MYO1E: variants seen among roughly 807,000 people sequenced by gnomAD.
The protein encoded by MYO1E is unconventional myosin-Ie.
A neutral mutation model predicts 151.1 loss-of-function variants in MYO1E; 68 were observed. The ratio of observed to expected loss-of-function variants is 0.45; its 90% CI spans 0.37 to 0.55. The LOEUF is 0.55. Ranked by LOEUF, MYO1E falls within the 20% of genes least tolerant of loss-of-function variation. The pLI is 0.00. For missense variants in MYO1E, 1,363 were observed against 1,389.3 expected, an observed-to-expected ratio of 0.98 and a Z score of 0.30; for synonymous variants, 601 against 501.7, an observed-to-expected ratio of 1.20 and a Z score of -2.64.
chr15:59,199,309 C>T (rs532001602), intron 16 of MYO1E, among the ~76,000 whole-genome samples: 1 of 152,226 alleles, frequency 6.6e-6, no homozygotes, highest in African/African-American at 2.4e-5. Flanking sequence ...GTTGGCCAGA[C>T]TGACCTCAAA....
Position 59,356,127 on chromosome 15 carries a change from G to A in MYO1E, c.3+16371C>T, listed in dbSNP as rs551298968. Among the ~76,000 whole-genome samples, 64 of 152,310 alleles carry A rather than the reference G, an allele frequency of 4.2e-4. 2 individuals carry two copies. In the South Asian group the frequency reaches 0.013, roughly 31 times the overall value. On this transcript the variant is annotated intron_variant, in intron 1 of 27. Transcript: ENST00000288235. ...TTTTGTTAAACAGTTGCACGGGGAA[G>A]GCGTTTGCCCCATTTTCAACATTAT...
chr15:59,241,389 CAA>C (rs2080098903), intron 4 of MYO1E, among the ~76,000 whole-genome samples: 1 of 152,120 alleles, frequency 6.6e-6, no homozygotes, highest in African/African-American at 2.4e-5. Flanking sequence ...AATAATAAAA[CAA>C]ATAAAAATAA....
chr15:59,256,337 A>G lies in MYO1E; in HGVS notation c.279T>C (p.Asp93=), dbSNP rs759072698. The part of the protein sequence containing the change: ...ENPPHIYALA[D]NMYRNMIIDR... ...CAATGATCATGTTTCTGTACATATT[A>G]TCTGCAAGGGCATAGATATGTGGTG... The change falls in exon 4 of 28, where the codon GAT becomes GAC. Residue 93 remains aspartate (D), a synonymous_variant. Transcript: ENST00000288235. The G allele has an allele frequency of 2.5e-6, 4 of 1,613,002 alleles. No individual in the cohort carries two copies. The highest frequency in any genetic ancestry group is 4.5e-5 in the East Asian group (2 of 44,864).
chr15:59,230,795 T>G (rs8041229), intron 6 of MYO1E, among the ~76,000 whole-genome samples: 2,326 of 152,270 alleles, frequency 0.015, 52 homozygotes, highest in East Asian at 0.065. Context: ...GAAAAGAAAA[T>G]TGTTTTTCTC....
rs1462487382 is a variant in MYO1E at position 59,350,927 on chromosome 15, C to T, written c.3+21571G>A. Among the ~76,000 whole-genome samples the T allele has an allele frequency of 6.6e-6, 1 of 152,184 alleles. No homozygotes were observed. Among genetic ancestry groups the T allele is most frequent in the Non-Finnish European group, 1.5e-5 (1 of 68,030 alleles). ...TTTTGTCTTTTTTGAGACGGAGTCT[C>T]GCTCTGTCACCCAGGCTGGCGTGCA... On this transcript the variant is annotated intron_variant, in intron 1 of 27. Transcript: ENST00000288235. This position sits in a 1 kb window ranked among gnomAD's most constrained non-coding sequence, Gnocchi z 5.0.
Position 59,303,033 on chromosome 15 carries a change from A to G in MYO1E, c.4-30584T>C, listed in dbSNP as rs74971983. 2.5e-4 allele frequency among the ~76,000 whole-genome samples: 38 copies of G among 152,298 alleles called. 1 individual carries two copies. The East Asian group carries it at 3.9e-3, about 15-fold the overall frequency. On this transcript the variant is annotated intron_variant, in intron 1 of 27. Coordinates refer to ENST00000288235, the MANE Select transcript of MYO1E (RefSeq NM_004998.4). ...CTCAGAATCACTCCAAGCCACCTAC[A>G]TATTAACTGGTTCCCACACAGAAGA...
At chr15:59,346,028 A>G (rs2080792367) in intron 1 of MYO1E, among the ~76,000 whole-genome samples, 1 of 152,234 alleles carries the variant, frequency 6.6e-6, no homozygotes, top group East Asian at 1.9e-4. Flanking sequence ...TTTGCAAAAC[A>G]CTTTTTATAT....
At position 59,264,132 on chromosome 15, in the gene MYO1E, C is replaced by T. The variant is rs372505784; in HGVS notation, c.148-2623G>A. On this transcript the variant is annotated intron_variant, in intron 2 of 27. Coordinates refer to ENST00000288235, the MANE Select transcript of MYO1E (RefSeq NM_004998.4). ...TTACACTCACCACCAGTTCAGCATCCCTAACCCAAAAATCCAAAATCGAAA... is the reference window on the plus strand; with the variant it reads ...TTACACTCACCACCAGTTCAGCATCTCTAACCCAAAAATCCAAAATCGAAA... 9.1e-4 allele frequency among the ~76,000 whole-genome samples: 139 copies of T among 152,272 alleles called. 5 individuals are homozygous for T. Among genetic ancestry groups the T allele is most frequent in the African/African-American group, 3.1e-3 (128 of 41,562 alleles).
intron 4 of MYO1E, among the ~76,000 whole-genome samples, chr15:59,250,626 G>A (rs931976302): frequency 7.9e-5 from 12 of 152,118 alleles, no homozygotes; most frequent in Middle Eastern, 3.4e-3. Context: ...TGAACCTGGC[G>A]GGGGCGGGGG....
chr15:59,356,291 T>C (rs542034801), intron 1 of MYO1E, among the ~76,000 whole-genome samples: 3 of 150,280 alleles, frequency 2.0e-5, no homozygotes, highest in African/African-American at 4.9e-5. Context: ...CCATTCCATC[T>C]TTCCGAAGGG....
At chr15:59,303,375 T>C (rs2080494821) in intron 1 of MYO1E, among the ~76,000 whole-genome samples, 1 of 151,926 alleles carries the variant, frequency 6.6e-6, no homozygotes, top group Non-Finnish European at 1.5e-5. Flanking sequence ...GATTGTGCCA[T>C]AGTCCTTCAG....
In MYO1E at chr15:59,357,510, C is replaced by T. The variant is rs1239833756; in HGVS notation, c.3+14988G>A. On this transcript the variant is annotated intron_variant, in intron 1 of 27. Transcript: ENST00000288235. The stretch of plus-strand genomic sequence containing the variant: ...TGCAATCTTGGCTCACTGCAACCTC[C>T]GCCTCCCGGGTTCAAGCAGTTCTCT... 5.3e-5 allele frequency among the ~76,000 whole-genome samples: 8 copies of T among 151,298 alleles called. No individual in the cohort carries two copies. The South Asian group carries it at 8.3e-4, about 16-fold the overall frequency.
At position 59,225,837 on chromosome 15, in the gene MYO1E, A is replaced by G. The variant is rs907418373; in HGVS notation, c.643-1014T>C. Among the ~76,000 whole-genome samples the G allele has an allele frequency of 1.5e-4, 23 of 152,118 alleles. No individual in the cohort carries two copies. In the East Asian group the frequency reaches 2.1e-3, roughly 14 times the overall value. The stretch of plus-strand genomic sequence containing the variant: ...AATTTTTTGTATTTTTAGTAGAGAC[A>G]GGGTTTCACTGTGTTAGCCAGGATG... On this transcript the variant is annotated intron_variant, in intron 7 of 27. Transcript: ENST00000288235.
At chr15:59,368,194 A>G (rs1301028563) in intron 1 of MYO1E, among the ~76,000 whole-genome samples, 1 of 152,198 alleles carries the variant, frequency 6.6e-6, no homozygotes, top group Non-Finnish European at 1.5e-5. Context: ...AAAACAAGAT[A>G]ATTTGGTAAT....
At position 59,336,807 on chromosome 15, in the gene MYO1E, T is replaced by C. The variant is rs1057185709; in HGVS notation, c.3+35691A>G. Among the ~76,000 whole-genome samples, 3 of 147,256 alleles carry C rather than the reference T, an allele frequency of 2.0e-5. No individual in the cohort carries two copies. In the South Asian group the frequency reaches 6.9e-4, roughly 34 times the overall value. Reference sequence around the variant, plus strand: ...CCCCTCCCTGGTCCACGTGTTCTCATTGTTCAGCTCCCACTTGTCAGTGAG... The same window carrying C: ...CCCCTCCCTGGTCCACGTGTTCTCACTGTTCAGCTCCCACTTGTCAGTGAG... On this transcript the variant is annotated intron_variant, in intron 1 of 27. Transcript: ENST00000288235.
rs544313656 is a variant in MYO1E, at chr15:59,135,619, C to G, written c.*1761G>C. On this transcript the variant is annotated 3_prime_UTR_variant, in exon 28 of 28. Coordinates refer to ENST00000288235, the MANE Select transcript of MYO1E (RefSeq NM_004998.4). ...CTTTTAACATTATTCGTTACTGTTA[C>G]AGAATGGAGTTTGCTCCCTGTTCTT... is the stretch of plus-strand genomic sequence containing the variant. 1 of 152,224 alleles carries G rather than the reference C, an allele frequency of 6.6e-6. No homozygotes were observed. The highest frequency in any genetic ancestry group is 1.9e-4 in the East Asian group (1 of 5,200). The allele number at this position is 152,224 out of a possible 1,614,324, so 9.4% of individuals were successfully genotyped here.
chr15:59,248,200 T>C (rs535204768), intron 4 of MYO1E, among the ~76,000 whole-genome samples: 32 of 143,854 alleles, frequency 2.2e-4, no homozygotes, highest in African/African-American at 7.0e-4. Flanking sequence ...TTAGCATCTA[T>C]AGGCCGGGTG....
chr15:59,314,372 T>C (rs1295666960), intron 1 of MYO1E, among the ~76,000 whole-genome samples: 2 of 152,242 alleles, frequency 1.3e-5, no homozygotes, highest in Non-Finnish European at 2.9e-5. Flanking sequence ...CTGGACTCTC[T>C]TGTTTTCACA....
intron 26 of MYO1E, among the ~76,000 whole-genome samples, chr15:59,144,428 A>C (rs2079428966): frequency 6.6e-6 from 1 of 152,066 alleles, no homozygotes; most frequent in East Asian, 1.9e-4. Flanking sequence ...CAGCCTCCCA[A>C]AGTGCTGGGA....
Sources: allele counts gnomAD v4.1 joint callset (sites outside exome capture counted in the v4.1 genomes callset), GRCh38; gene constraint gnomAD v4.1.1; non-coding constraint Gnocchi (gnomAD v3.1); transcripts MANE v1.5; gene names NCBI Gene and HGNC (gene_info 2026-07-23, HGNC 2026-07-21).